The following AGBL1 variants were observed in gnomAD, a reference collection of about 807,000 sequenced individuals.
AGBL1 encodes the protein AGBL carboxypeptidase 1, also known as cytosolic carboxypeptidase 4.
Under a neutral mutation model 118.9 loss-of-function variants are expected in AGBL1, and 130 were observed. The ratio of observed to expected loss-of-function variants is 1.09; its 90% confidence interval spans 0.95 to 1.26. The LOEUF (loss-of-function observed/expected upper bound fraction) is 1.26. AGBL1 is among the 50% of genes most tolerant of loss of function. The pLI, the probability that AGBL1 is intolerant of heterozygous loss-of-function variation, is 0.00. For synonymous variants in AGBL1, 555 were observed against 478.9 expected, an observed-to-expected ratio of 1.16 and a Z score of -2.08; for missense variants, 1,584 against 1,298.1, an observed-to-expected ratio of 1.22 and a Z score of -3.38.
chr15:86,482,022 T>A (rs2082658980), intron 18 of AGBL1, among the ~76,000 whole-genome samples: 1 of 152,176 alleles, frequency 6.6e-6, no homozygotes, highest in Non-Finnish European at 1.5e-5. Context: ...TCCAGTAGTC[T>A]GCTGTGTTGT....
intron 18 of AGBL1, among the ~76,000 whole-genome samples, chr15:86,511,595 CAT>C (rs1344187192): frequency 6.6e-6 from 1 of 152,012 alleles, no homozygotes; most frequent in African/African-American, 2.4e-5. Context: ...TCAACTTTCT[CAT>C]GTGCAAAATG....
chr15:86,868,698 T>C (rs2079674709), intron 22 of AGBL1, among the ~76,000 whole-genome samples: 2 of 152,234 alleles, frequency 1.3e-5, no homozygotes, highest in Non-Finnish European at 2.9e-5. Flanking sequence ...AGAGAAAATC[T>C]TCATTCTGTG....
intron 3 of AGBL1, among the ~76,000 whole-genome samples, chr15:86,144,162 T>C (rs944086824): frequency 6.6e-6 from 1 of 152,172 alleles, no homozygotes; most frequent in African/African-American, 2.4e-5. Context: ...ATGGAACATG[T>C]CTAAAAGTTG....
rs1271010708 is a variant in AGBL1, at chr15:86,143,787, T to C, written c.204T>C (p.Pro68=). The C allele has an allele frequency of 6.2e-7, 1 of 1,613,900 alleles. No homozygotes were observed. Among genetic ancestry groups the C allele is most frequent in the South Asian group, 1.1e-5 (1 of 91,080 alleles). The change falls in exon 3 of 23, where the codon CCT becomes CCC. Residue 68 remains proline (P), a synonymous_variant. Coordinates refer to ENST00000614907, the MANE Select transcript of AGBL1 (RefSeq NM_001386094.1). ...QTLVDTARTA[P]PDYDILLPLF... is the part of the protein sequence containing the mutation. ...TGGTAGACACAGCGAGGACAGCTCC[T>C]CCAGACTATGACATCCTCCTGCCTC...
intron 21 of AGBL1, among the ~76,000 whole-genome samples, chr15:86,667,246 GTATGTATGTATCTATC>G (rs1181532812): frequency 1.8e-5 from 2 of 113,892 alleles, no homozygotes; most frequent in African/African-American, 6.3e-5. Context: ...ATGTATGTAT[GTATGTATGTATCTATC>G]TATCTATCTG....
chr15:86,521,564 C>G (rs181812118), intron 18 of AGBL1, among the ~76,000 whole-genome samples: 1 of 152,216 alleles, frequency 6.6e-6, no homozygotes, highest in Admixed American at 6.5e-5. Flanking sequence ...GAGATAGATG[C>G]AATGGCCTGG....
rs145091855 is a variant in AGBL1, at chr15:86,168,543, T to C, written c.488+9517T>C. On this transcript the variant is annotated intron_variant, in intron 5 of 22. Transcript: ENST00000614907. ...ATATCAATCACAGTATTATTTATAA[T>C]TGGAAATATTATAACCTGAAAAAGC... Among the ~76,000 whole-genome samples the C allele has an allele frequency of 3.5e-3, 536 of 152,322 alleles. 4 individuals are homozygous for C. The highest frequency in any genetic ancestry group is 4.5e-3 in the Non-Finnish European group (305 of 68,022).
downstream of AGBL1, among the ~76,000 whole-genome samples, chr15:86,918,324 T>C (rs1314574953): frequency 6.6e-6 from 1 of 152,112 alleles, no homozygotes; most frequent in Non-Finnish European, 1.5e-5. Context: ...GAGGCTGCAT[T>C]TGGGTTTGAA....
At position 86,434,371 on chromosome 15, in the gene AGBL1, A is replaced by G. The variant is rs145831228; in HGVS notation, c.2555+36825A>G. Among the ~76,000 whole-genome samples the G allele has an allele frequency of 2.1e-3, 325 of 152,360 alleles. 1 individual carries two copies. The highest frequency in any genetic ancestry group is 7.4e-3 in the African/African-American group (309 of 41,588). ...TTCAGCTGTAGAGTATATTGTTTAG[A>G]TTGTGAAATTGATGAGGCGAGAAGA... On this transcript the variant is annotated intron_variant, in intron 18 of 22. Coordinates refer to ENST00000614907, the MANE Select transcript of AGBL1 (RefSeq NM_001386094.1).
intron 18 of AGBL1, among the ~76,000 whole-genome samples, chr15:86,421,237 G>A (rs1019128289): frequency 4.6e-5 from 7 of 152,078 alleles, no homozygotes; most frequent in African/African-American, 1.7e-4. Context: ...CCCATAAAGG[G>A]AAACCATCAG....
intron 23 of AGBL1, among the ~76,000 whole-genome samples, chr15:86,930,750 G>C (rs2080594709): frequency 6.6e-6 from 1 of 152,124 alleles, no homozygotes; most frequent in South Asian, 2.1e-4. Context: ...ATCCCTCTTA[G>C]GGGCCTGCCA....
chr15:86,531,994 A>G (rs1240217913), intron 19 of AGBL1, among the ~76,000 whole-genome samples: 2 of 151,738 alleles, frequency 1.3e-5, no homozygotes, highest in Admixed American at 6.6e-5. Flanking sequence ...ACAAACCCAC[A>G]GCCAATATCA....
At chr15:86,852,858 A>G (rs1411495734) in intron 22 of AGBL1, among the ~76,000 whole-genome samples, 1 of 152,232 alleles carries the variant, frequency 6.6e-6, no homozygotes, top group Non-Finnish European at 1.5e-5. Flanking sequence ...GTTGCATATT[A>G]GAATCAACTG....
intron 16 of AGBL1, among the ~76,000 whole-genome samples, chr15:86,281,871 C>T (rs1369588106): frequency 6.6e-6 from 1 of 152,162 alleles, no homozygotes; most frequent in Non-Finnish European, 1.5e-5. Context: ...ATACAGACAT[C>T]TCTAATGTTT....
chr15:86,936,181 T>C (rs1258689734), intron 23 of AGBL1, among the ~76,000 whole-genome samples: 1 of 152,150 alleles, frequency 6.6e-6, no homozygotes, highest in Non-Finnish European at 1.5e-5. Context: ...TCTTTGTCAA[T>C]GAGTGCTTTT....
intron 15 of AGBL1, among the ~76,000 whole-genome samples, chr15:86,277,469 T>C (rs1285605678): frequency 6.6e-6 from 1 of 152,158 alleles, no homozygotes; most frequent in Non-Finnish European, 1.5e-5. Context: ...TCTCTTTCCA[T>C]TTCACTGCAG....
At chr15:86,631,718 C>T (rs1054627431) in intron 21 of AGBL1, among the ~76,000 whole-genome samples, 1 of 152,112 alleles carries the variant, frequency 6.6e-6, no homozygotes, top group African/African-American at 2.4e-5. Context: ...CAGAAGAAGG[C>T]TGTTTAGGGT....
intron 22 of AGBL1, among the ~76,000 whole-genome samples, chr15:86,816,686 C>T (rs1023154715): frequency 1.3e-5 from 2 of 151,948 alleles, no homozygotes; most frequent in African/African-American, 4.8e-5. Context: ...AACACAAAAA[C>T]AAAAATCCCT....
At chr15:86,120,550 G>T (rs1300578087) in intron 1 of AGBL1, among the ~76,000 whole-genome samples, 1 of 152,218 alleles carries the variant, frequency 6.6e-6, no homozygotes, top group African/African-American at 2.4e-5. Context: ...TGCATGGGTA[G>T]ATGCAGTGGC....
Sources: allele counts gnomAD v4.1 joint callset (sites outside exome capture counted in the v4.1 genomes callset), GRCh38; gene constraint gnomAD v4.1.1; transcripts MANE v1.5; gene names NCBI Gene and HGNC (gene_info 2026-07-23, HGNC 2026-07-21).